CDH2: variants seen among roughly 807,000 people sequenced by gnomAD.
CDH2 encodes the protein cadherin-2.
CDH2 carries 17 observed loss-of-function variants against 92.0 expected under a neutral mutation model. That is an observed-to-expected ratio of 0.18 (90% CI 0.13 to 0.28). The LOEUF (loss-of-function observed/expected upper bound fraction) is 0.28. Ranked by LOEUF, CDH2 falls within the 10% of genes least tolerant of loss-of-function variation. CDH2 has a pLI of 1.00. For synonymous variants in CDH2, 419 were observed against 415.9 expected, an observed-to-expected ratio of 1.01 and a Z score of -0.09; for missense variants, 862 against 1,133.1, an observed-to-expected ratio of 0.76 and a Z score of 3.44.
intron 2 of CDH2, among the ~76,000 whole-genome samples, chr18:28,095,807 C>CA (rs33981188): frequency 0.02 from 2,040 of 102,892 alleles, 74 homozygotes; most frequent in Middle Eastern, 0.069. Context: ...GCAACTCCAT[C>CA]AAAAAAAAAA....
At chr18:27,957,671 A>G (rs918967271) in intron 15 of CDH2, among the ~76,000 whole-genome samples, 5 of 152,124 alleles carry the variant, frequency 3.3e-5, no homozygotes, top group African/African-American at 4.8e-5. Context: ...CAGGTATTCT[A>G]TAAGGTAACT....
At chr18:27,938,012 G>A (rs568374682) in intron 6 of CDH2, among the ~76,000 whole-genome samples, 7 of 151,990 alleles carry the variant, frequency 4.6e-5, no homozygotes, top group African/African-American at 7.3e-5. Context: ...TGATTGGATC[G>A]TGGGGGTGGT....
chr18:28,147,560 T>C (rs1286037497), intron 2 of CDH2, 113 bp downstream of exon 2: 16 of 587,816 alleles, frequency 2.7e-5, no homozygotes, highest in Non-Finnish European at 4.1e-5. Context: ...ATCATAGTGA[T>C]TGTGAAAAAT....
At chr18:27,958,040 G>A (rs567543458) in intron 15 of CDH2, among the ~76,000 whole-genome samples, 11 of 152,110 alleles carry the variant, frequency 7.2e-5, no homozygotes, top group Non-Finnish European at 8.8e-5. Context: ...ACTATATGAA[G>A]CACATTACAA....
intron 2 of CDH2, among the ~76,000 whole-genome samples, chr18:28,139,315 T>C (rs1299963678): frequency 1.3e-5 from 2 of 152,016 alleles, no homozygotes; most frequent in Non-Finnish European, 2.9e-5. Context: ...ACTGGATTCT[T>C]TGACCTCATT....
chr18:28,166,831 A>G (rs1380358281), intron 1 of CDH2, among the ~76,000 whole-genome samples: 2 of 152,146 alleles, frequency 1.3e-5, no homozygotes, highest in African/African-American at 4.8e-5. Flanking sequence ...GCCTCTACCA[A>G]CAATCTAGAG....
In CDH2 at chr18:28,109,438, C is replaced by A. The variant is rs760641621; in HGVS notation, c.172+38235G>T. ...TTTTCTCCTCCTTACACAGTTCATGCGGTAGTTAAAGAGGAAGATTCACTG... is the reference window on the plus strand; with the variant it reads ...TTTTCTCCTCCTTACACAGTTCATGAGGTAGTTAAAGAGGAAGATTCACTG... On this transcript the variant is annotated intron_variant, in intron 2 of 15. Coordinates refer to ENST00000269141, the MANE Select transcript of CDH2 (RefSeq NM_001792.5). Among the ~76,000 whole-genome samples the A allele has an allele frequency of 2.0e-5, 3 of 152,074 alleles. No homozygotes were observed. In the South Asian group the frequency reaches 6.2e-4, roughly 31 times the overall value.
chr18:28,027,548 A>G (rs1475286938), intron 2 of CDH2, among the ~76,000 whole-genome samples: 8 of 152,138 alleles, frequency 5.3e-5, no homozygotes, highest in Non-Finnish European at 1.2e-4. Context: ...TCAAAACAGC[A>G]GTAGGGATGA....
chr18:27,974,836 T>C (rs2011772784), intron 14 of CDH2, among the ~76,000 whole-genome samples: 1 of 152,176 alleles, frequency 6.6e-6, no homozygotes, highest in Non-Finnish European at 1.5e-5. Flanking sequence ...CAGACACTGA[T>C]CTGCTGGTGC....
At chr18:28,159,658 GTTTTTTTT>G (rs775758310) in intron 1 of CDH2, among the ~76,000 whole-genome samples, 1 of 134,932 alleles carries the variant, frequency 7.4e-6, no homozygotes, top group African/African-American at 2.7e-5. Flanking sequence ...CAATTTTTTT[GTTTTTTTT>G]TTTTTTTTGA....
intron 9 of CDH2, 69 bp from the exon 10 acceptor site, chr18:27,990,419 C>T (rs1182227255): frequency 7.1e-7 from 1 of 1,418,340 alleles, no homozygotes; most frequent in African/African-American, 1.4e-5. Context: ...GTTTATTCCT[C>T]TATCAACTCC....
intron 15 of CDH2, among the ~76,000 whole-genome samples, chr18:27,955,761 G>GTGTT: frequency 9.0e-6 from 1 of 111,714 alleles, no homozygotes; most frequent in Non-Finnish European, 1.8e-5. Context: ...CTTTATTTCT[G>GTGTT]TTTTTTTTTT....
chr18:28,127,506 T>C (rs946849451), intron 2 of CDH2, among the ~76,000 whole-genome samples: 8 of 144,752 alleles, frequency 5.5e-5, no homozygotes, highest in African/African-American at 2.0e-4. Flanking sequence ...TCAAGCCAAT[T>C]TTCCTAGGCA....
Position 27,990,182 on chromosome 18 carries a change from G to A in CDH2, c.1513C>T (p.Arg505Cys), listed in dbSNP as rs753588105. ...PYFAPNPKII[R>C]QEEGLHAGTM... Reference sequence around the variant, plus strand: ...CCGGCATGAAGCCCTTCTTCTTGGCGAATGATCTTAGGATTGGGGGCAAAA... The same window carrying A: ...CCGGCATGAAGCCCTTCTTCTTGGCAAATGATCTTAGGATTGGGGGCAAAA... The change falls in exon 10 of 16, where the codon CGC (arginine) becomes TGC (cysteine). Residue 505 changes from arginine to cysteine, a missense_variant. Transcript: ENST00000269141. 10 of 1,613,944 alleles carry A rather than the reference G, an allele frequency of 6.2e-6. No individual in the cohort carries two copies. The highest frequency in any genetic ancestry group is 1.7e-5 in the Admixed American group (1 of 59,998).
At chr18:28,011,523 T>C (rs1005262513) in intron 4 of CDH2, among the ~76,000 whole-genome samples, 2 of 152,138 alleles carry the variant, frequency 1.3e-5, no homozygotes, top group Non-Finnish European at 2.9e-5. Flanking sequence ...CAGGGAAGTT[T>C]AGGGGTGTGT....
At chr18:27,980,680 C>A (rs978532362) in intron 14 of CDH2, among the ~76,000 whole-genome samples, 1 of 150,900 alleles carries the variant, frequency 6.6e-6, no homozygotes, top group Non-Finnish European at 1.5e-5. Flanking sequence ...AAGATTGGTA[C>A]CAAATTAAAA....
intron 2 of CDH2, among the ~76,000 whole-genome samples, chr18:28,079,414 T>C (rs576670844): frequency 2.6e-5 from 4 of 152,328 alleles, no homozygotes; most frequent in Non-Finnish European, 4.4e-5. Flanking sequence ...CTATAAAGAA[T>C]CAGAATACAT....
chr18:28,166,172 A>ATG (rs74171380), intron 1 of CDH2, among the ~76,000 whole-genome samples: 1 of 136,968 alleles, frequency 7.3e-6, no homozygotes, highest in African/African-American at 2.6e-5. Context: ...ATATATATAT[A>ATG]TGTCTGTATT....
chr18:28,075,286 T>C (rs1261060146), intron 2 of CDH2, among the ~76,000 whole-genome samples: 1 of 152,086 alleles, frequency 6.6e-6, no homozygotes, highest in African/African-American at 2.4e-5. Context: ...ACAATATGAG[T>C]GCACAGAGTG....
Sources: allele counts gnomAD v4.1 joint callset (sites outside exome capture counted in the v4.1 genomes callset), GRCh38; gene constraint gnomAD v4.1.1; transcripts MANE v1.5; gene names NCBI Gene and HGNC (gene_info 2026-07-23, HGNC 2026-07-21).